Variants in ABI3BP observed in about 807,000 individuals in gnomAD.
ABI3BP encodes target of Nesh-SH3.
ABI3BP carries 216 observed loss-of-function variants against 268.6 expected under a neutral mutation model. The ratio of observed to expected loss-of-function variants is 0.80; its 90% confidence interval spans 0.72 to 0.90. The LOEUF (loss-of-function observed/expected upper bound fraction) is 0.90, where lower values mean the gene tolerates loss of function less well. Among genes scored for constraint, ABI3BP ranks in the 40% least tolerant of loss-of-function variants. The pLI is 0.00. For synonymous variants in ABI3BP, 730 were observed against 730.0 expected (o/e 1.00, Z 0.00); for missense variants, 2,090 against 2,182.4 (o/e 0.96, Z 0.84).
intron 2 of ABI3BP, among the ~76,000 whole-genome samples, chr3:100,915,011 C>T (rs2058110821): frequency 6.6e-6 from 1 of 152,060 alleles, no homozygotes; most frequent in Non-Finnish European, 1.5e-5. Context: ...AAAGGTAGGA[C>T]CCTAAAAAGA....
intron 57 of ABI3BP, among the ~76,000 whole-genome samples, chr3:100,781,317 A>G (rs2096857574): frequency 6.6e-6 from 1 of 152,180 alleles, no homozygotes; most frequent in Admixed American, 6.5e-5. Flanking sequence ...ACATTAATTT[A>G]TGACATTCAG....
chr3:100,857,729 C>T (rs992193033), intron 14 of ABI3BP, among the ~76,000 whole-genome samples: 7 of 152,150 alleles, frequency 4.6e-5, no homozygotes, highest in African/African-American at 1.2e-4. Flanking sequence ...ATGAATGAGC[C>T]TAATTTTTCC....
intron 11 of ABI3BP, chr3:100,864,565 C>A (rs936604280): frequency 4.5e-6 from 2 of 440,900 alleles, no homozygotes; most frequent in African/African-American, 2.0e-5. Context: ...GTCTGTATAA[C>A]CCAGAGACTG....
At chr3:100,971,520 G>A (rs1481768973) in intron 1 of ABI3BP, among the ~76,000 whole-genome samples, 3 of 152,198 alleles carry the variant, frequency 2.0e-5, no homozygotes, top group Admixed American at 6.5e-5. Context: ...GAGAAGGCAA[G>A]TTTGGAATGG....
intron 14 of ABI3BP, among the ~76,000 whole-genome samples, chr3:100,854,273 C>T (rs1270068328): frequency 1.3e-5 from 2 of 151,952 alleles, no homozygotes; most frequent in African/African-American, 4.8e-5. Context: ...GCACGAGAAT[C>T]TCTTGAAACT....
rs1269537131 is a variant in ABI3BP at position 100,825,828 on chromosome 3, G to A, written c.2619C>T (p.Leu873=). The change falls in exon 35 of 68, where the codon CTC becomes CTT. Residue 873 remains leucine (L), a synonymous_variant. Coordinates refer to ENST00000471714, the MANE Select transcript of ABI3BP (RefSeq NM_001375547.2). ...PGTTFVPVTD[L]EPVTFRTEIP... is the part of the protein sequence containing the mutation. Reference sequence around the variant, plus strand: ...TCTCAGTTCTAAAAGTAACAGGCTCGAGGTCTGTAACAGGAACTGAAGTAA... The same window carrying A: ...TCTCAGTTCTAAAAGTAACAGGCTCAAGGTCTGTAACAGGAACTGAAGTAA... 3.3e-6 allele frequency: 5 copies of A among 1,535,254 alleles called. No individual in the cohort carries two copies. Among genetic ancestry groups the A allele is most frequent in the Admixed American group, 3.9e-5 (2 of 50,984 alleles).
At chr3:100,865,965 C>A (rs1172869981) in intron 10 of ABI3BP, among the ~76,000 whole-genome samples, 1 of 152,178 alleles carries the variant, frequency 6.6e-6, no homozygotes, top group Non-Finnish European at 1.5e-5. Context: ...AGGTTCATCT[C>A]TTTTCTTTGG....
rs542021316 is a variant in ABI3BP at position 100,990,641 on chromosome 3, G to A, written c.79+2665C>T. Reference sequence around the variant, plus strand: ...AAAAATGTAGATATGTTCTTAGGAAGAAAAGTTAAAATTAAAATACTGTTA... The same window carrying A: ...AAAAATGTAGATATGTTCTTAGGAAAAAAAGTTAAAATTAAAATACTGTTA... On this transcript the variant is annotated intron_variant, in intron 1 of 67. Transcript: ENST00000471714. Among the ~76,000 whole-genome samples, 183 of 150,486 alleles carry A rather than the reference G, an allele frequency of 1.2e-3. 4 individuals carry two copies. In the South Asian group the frequency reaches 0.037, roughly 30 times the overall value.
chr3:100,833,888 C>T (rs1197459181), intron 29 of ABI3BP, among the ~76,000 whole-genome samples: 1 of 152,190 alleles, frequency 6.6e-6, no homozygotes, highest in East Asian at 1.9e-4. Flanking sequence ...CAATTCCTAT[C>T]CTTCCAATGT....
Position 100,875,386 on chromosome 3 carries a change from G to A in ABI3BP, c.817+122C>T. The A allele has an allele frequency of 5.4e-6, 4 of 737,140 alleles. No individual in the cohort carries two copies. The South Asian group carries it at 6.7e-5, about 12-fold the overall frequency. The allele number at this position is 737,140 out of a possible 1,614,324, so 45.7% of individuals were successfully genotyped here. On this transcript the variant is annotated intron_variant, in intron 8 of 67. Coordinates refer to ENST00000471714, the MANE Select transcript of ABI3BP (RefSeq NM_001375547.2). ...GACACGAGCCAGGATGCTAAACAGT[G>A]AAAGGAAGTGAACCACATCAATTAA...
intron 1 of ABI3BP, among the ~76,000 whole-genome samples, chr3:100,978,435 A>G (rs1390516431): frequency 1.3e-5 from 2 of 152,210 alleles, no homozygotes; most frequent in Non-Finnish European, 2.9e-5. Flanking sequence ...AATATTAGGC[A>G]TTAACTTTAA....
intron 26 of ABI3BP, 37 bp from the exon 27 acceptor site, chr3:100,837,208 A>G: frequency 6.6e-7 from 1 of 1,505,176 alleles, no homozygotes; most frequent in Non-Finnish European, 8.9e-7. Flanking sequence ...AAGTAATAAA[A>G]GCAAGGAAGT....
chr3:100,985,079 A>G (rs1223992496), intron 1 of ABI3BP, among the ~76,000 whole-genome samples: 2 of 151,208 alleles, frequency 1.3e-5, no homozygotes, highest in African/African-American at 4.9e-5. Flanking sequence ...CACAAGTTTA[A>G]TTAGACCTAC....
intron 4 of ABI3BP, among the ~76,000 whole-genome samples, chr3:100,894,946 A>AAAAAAAAAAAAAAAAAAAAAAC (rs2046722728): frequency 9.6e-6 from 1 of 104,486 alleles, no homozygotes; most frequent in Non-Finnish European, 2.5e-5. Flanking sequence ...TTCAAAAAAA[A>AAAAAAAAAAAAAAAAAAAAAAC]AAAAAAAAAA....
At chr3:100,831,348 T>C (rs1195404803) in intron 31 of ABI3BP, among the ~76,000 whole-genome samples, 1 of 152,056 alleles carries the variant, frequency 6.6e-6, no homozygotes, top group East Asian at 1.9e-4. Flanking sequence ...GAGCAGGGAA[T>C]CACTGGGAGG....
chr3:100,891,743 G>A (rs1322402567), intron 4 of ABI3BP, among the ~76,000 whole-genome samples: 1 of 152,170 alleles, frequency 6.6e-6, no homozygotes, highest in Non-Finnish European at 1.5e-5. Context: ...TCCTCTTCTT[G>A]ACATCCCACT....
intron 1 of ABI3BP, chr3:100,945,482 T>C (rs2071681688): frequency 4.0e-6 from 1 of 248,778 alleles, no homozygotes; most frequent in East Asian, 1.1e-4. Flanking sequence ...CATTCCATTT[T>C]ACCCATTAAT....
chr3:100,846,624 T>A, intron 19 of ABI3BP, 178 bp from the exon 20 acceptor site: 2 of 456,600 alleles, frequency 4.4e-6, no homozygotes, highest in Non-Finnish European at 7.8e-6. Flanking sequence ...CACAGAGAAG[T>A]AGTTAATTTT....
intron 14 of ABI3BP, among the ~76,000 whole-genome samples, chr3:100,862,068 G>A (rs930650234): frequency 5.3e-5 from 8 of 152,176 alleles, no homozygotes; most frequent in African/African-American, 9.6e-5. Context: ...CATAGTTCAT[G>A]TTCTGGCCAC....
Sources: gnomAD v4.1 joint callset for allele counts (sites outside exome capture counted in the v4.1 genomes callset) on GRCh38, gnomAD v4.1.1 for gene constraint, MANE v1.5 for transcripts, NCBI Gene and HGNC (gene_info 2026-07-23, HGNC 2026-07-21) for gene names.